DACH2: variants seen among roughly 807,000 people sequenced by gnomAD.
DACH2 encodes dachshund homolog 2.
In DACH2, 17 loss-of-function variants were observed where a neutral mutation model predicts 35.8. That is an observed-to-expected ratio of 0.48 (90% CI 0.33 to 0.71). The LOEUF is 0.71. Ranked by LOEUF, DACH2 falls within the 30% of genes least tolerant of loss-of-function variation. The pLI is 0.02. For synonymous variants in DACH2, 195 were observed against 177.3 expected, an observed-to-expected ratio of 1.10 and a Z score of -0.79; for missense variants, 469 against 472.7, an observed-to-expected ratio of 0.99 and a Z score of 0.07.
chrX:86,643,038 C>T (rs778988360), intron 3 of DACH2, among the ~76,000 whole-genome samples: 2 of 110,017 alleles, frequency 1.8e-5, no homozygotes, highest in Non-Finnish European at 3.8e-5. Context: ...AATTTCACAA[C>T]AGAATGAATT....
chrX:86,149,848 ATGTGGGGCATGAACCAC>A (rs1397862167), intron 1 of DACH2, among the ~76,000 whole-genome samples: 1 of 112,174 alleles, frequency 8.9e-6, no homozygotes, highest in African/African-American at 3.2e-5. Flanking sequence ...GCAGAGGGCA[ATGTGGGGCATGAACCAC>A]TGTGGCTGGG....
chrX:86,689,061 G>A (rs148936027), intron 4 of DACH2, among the ~76,000 whole-genome samples: 1,853 of 111,785 alleles, frequency 0.017, 23 homozygotes, highest in Middle Eastern at 0.028. Context: ...GAAATTCCTA[G>A]ACCATCACCC....
intron 2 of DACH2, among the ~76,000 whole-genome samples, chrX:86,428,290 G>A (rs1297249985): frequency 9.0e-6 from 1 of 111,660 alleles, no homozygotes; most frequent in African/African-American, 3.2e-5. Context: ...AATTAATATT[G>A]TACATATTCA....
chrX:86,560,553 A>T (rs1402170365), intron 3 of DACH2, among the ~76,000 whole-genome samples: 3 of 104,881 alleles, frequency 2.9e-5, no homozygotes, highest in Admixed American at 2.1e-4. Flanking sequence ...AAACAGAGAT[A>T]TAGATCAATG....
chrX:86,537,245 G>A (rs756867221), intron 3 of DACH2, among the ~76,000 whole-genome samples: 1 of 111,476 alleles, frequency 9.0e-6, no homozygotes, highest in South Asian at 3.8e-4. Flanking sequence ...GCATTAGAAT[G>A]TGTTTAGCAA....
At chrX:86,398,299 C>A (rs1210070015) in intron 2 of DACH2, among the ~76,000 whole-genome samples, 1 of 111,972 alleles carries the variant, frequency 8.9e-6, no homozygotes, top group Non-Finnish European at 1.9e-5. Flanking sequence ...ATTAGTCTTG[C>A]TAGGGGTCTA....
intron 3 of DACH2, among the ~76,000 whole-genome samples, chrX:86,579,984 G>A (rs945250103): frequency 2.7e-5 from 3 of 111,215 alleles, no homozygotes; most frequent in Non-Finnish European, 5.7e-5. Flanking sequence ...AGAGGAGTTC[G>A]GTGGCCAGCA....
chrX:86,608,713 T>C (rs1380548724), intron 3 of DACH2, among the ~76,000 whole-genome samples: 1 of 111,778 alleles, frequency 8.9e-6, no homozygotes. Flanking sequence ...TTTCACCAGA[T>C]ATATTACTCC....
At chrX:86,624,721 T>C (rs1207492399) in intron 3 of DACH2, among the ~76,000 whole-genome samples, 1 of 111,805 alleles carries the variant, frequency 8.9e-6, no homozygotes, top group East Asian at 2.8e-4. Flanking sequence ...AACTATTATC[T>C]AGGGTGATGT....
At chrX:86,577,678 C>T (rs1401874333) in intron 3 of DACH2, among the ~76,000 whole-genome samples, 1 of 111,343 alleles carries the variant, frequency 9.0e-6, no homozygotes, top group East Asian at 2.9e-4. Context: ...CCCTGGGGGT[C>T]TAGTCACCAG....
At chrX:86,476,296 A>G (rs2037842396) in intron 2 of DACH2, among the ~76,000 whole-genome samples, 2 of 111,783 alleles carry the variant, frequency 1.8e-5, no homozygotes, top group East Asian at 2.8e-4. Context: ...TGAAGCCATC[A>G]GGTCCCTGGC....
At chrX:86,414,786 AC>A (rs924310530) in intron 2 of DACH2, among the ~76,000 whole-genome samples, 10 of 111,254 alleles carry the variant, frequency 9.0e-5, no homozygotes, top group African/African-American at 2.9e-4. Context: ...AACTATTAGA[AC>A]CTTTTTTTTA....
intron 1 of DACH2, chrX:86,161,162 C>T (rs1279079413): frequency 8.7e-7 from 1 of 1,150,837 alleles, no homozygotes; most frequent in African/African-American, 1.8e-5. Context: ...CATATCTCTT[C>T]TGGCTGCAGG....
chrX:86,490,740 G>A (rs945494026), intron 2 of DACH2, among the ~76,000 whole-genome samples: 1 of 110,962 alleles, frequency 9.0e-6, no homozygotes, highest in Non-Finnish European at 1.9e-5. Context: ...ATTTTTAAAA[G>A]CTCTATAGGT....
chrX:86,524,065 C>T (rs1047965931), intron 3 of DACH2, among the ~76,000 whole-genome samples: 3 of 112,480 alleles, frequency 2.7e-5, no homozygotes, highest in African/African-American at 9.7e-5. Flanking sequence ...TTTACCTTGG[C>T]CTATGCCCAG....
chrX:86,432,660 A>G (rs1052751836), intron 2 of DACH2, among the ~76,000 whole-genome samples: 2 of 111,980 alleles, frequency 1.8e-5, no homozygotes, highest in African/African-American at 3.2e-5. Context: ...TCTCCTTTAT[A>G]GACAGGAATT....
intron 1 of DACH2, among the ~76,000 whole-genome samples, chrX:86,313,323 C>A (rs2034836254): frequency 8.9e-6 from 1 of 111,767 alleles, no homozygotes; most frequent in Non-Finnish European, 1.9e-5. Context: ...CTTAATATGA[C>A]ATTGCACAGG....
chrX:86,222,301 CT>C (rs1475377741), intron 1 of DACH2, among the ~76,000 whole-genome samples: 2 of 111,878 alleles, frequency 1.8e-5, no homozygotes, highest in African/African-American at 6.5e-5. Context: ...TTTTGACAGG[CT>C]GGAGTAATGG....
chrX:86,552,284 A>T (rs776378890), intron 3 of DACH2, among the ~76,000 whole-genome samples: 17 of 111,827 alleles, frequency 1.5e-4, no homozygotes, highest in Non-Finnish European at 2.8e-4. Context: ...ACTAAGTTGA[A>T]TCTAAAAAGT....
Sources: gnomAD v4.1 joint callset for allele counts (sites outside exome capture counted in the v4.1 genomes callset) on GRCh38, gnomAD v4.1.1 for gene constraint, MANE v1.5 for transcripts, NCBI Gene and HGNC (gene_info 2026-07-23, HGNC 2026-07-21) for gene names.